Variants in SYNPR observed in about 807,000 individuals in gnomAD.
SYNPR encodes the protein synaptoporin.
SYNPR carries 23 observed loss-of-function variants against 32.9 expected under a neutral mutation model. That is an observed-to-expected ratio of 0.70 (90% CI 0.50 to 0.99). The LOEUF (loss-of-function observed/expected upper bound fraction) is 0.99. Ranked by LOEUF, SYNPR falls within the 50% of genes least tolerant of loss-of-function variation. The pLI is 0.00. For missense variants in SYNPR, 318 were observed against 349.3 expected (o/e 0.91, Z 0.71); for synonymous variants, 146 against 135.9 (o/e 1.07, Z -0.52).
chr3:63,312,868 C>T (rs1230971499), intron 2 of SYNPR, among the ~76,000 whole-genome samples: 2 of 152,022 alleles, frequency 1.3e-5, no homozygotes, highest in Non-Finnish European at 2.9e-5. Context: ...ATTCTTTCCT[C>T]CACTCTCCCC....
At chr3:63,471,818 G>A (rs1367048057) in intron 2 of SYNPR, among the ~76,000 whole-genome samples, 2 of 152,188 alleles carry the variant, frequency 1.3e-5, no homozygotes, top group East Asian at 3.9e-4. Context: ...CAGGGAGGAG[G>A]GGGAGGCTCT....
intron 2 of SYNPR, among the ~76,000 whole-genome samples, chr3:63,320,772 G>A (rs903226771): frequency 5.9e-5 from 9 of 152,064 alleles, no homozygotes; most frequent in South Asian, 4.1e-4. Flanking sequence ...TCATGGAAAC[G>A]GCACCACTTT....
In SYNPR at chr3:63,484,940, GGAA is replaced by G. The variant is rs375940882; in HGVS notation, c.209+3989_209+3991del. Among the ~76,000 whole-genome samples, 525 of 152,170 alleles carry G rather than the reference GGAA, an allele frequency of 3.5e-3. 3 individuals carry two copies. Among genetic ancestry groups the G allele is most frequent in the African/African-American group, 0.012 (485 of 41,516 alleles). ...CCTTGAATTCCTTATAAGTTGAATAGGAAGAAGGAGTTAAAGATGACAAAAGGA... is the reference window on the plus strand; with the variant it reads ...CCTTGAATTCCTTATAAGTTGAATAGGAAGGAGTTAAAGATGACAAAAGGA... On this transcript the variant is annotated intron_variant, in intron 3 of 5. Coordinates refer to ENST00000478300, the MANE Select transcript of SYNPR (RefSeq NM_001130003.2).
In SYNPR at chr3:63,280,463, T is replaced by C. The variant is rs140207454; in HGVS notation, c.84+1721T>C. On this transcript the variant is annotated intron_variant, in intron 2 of 5. Transcript: ENST00000478300. ...AACTCAAAAGCCCCTTTTACCTCAG[T>C]GCCCTTGCTATTTCTATTCACACTG... Among the ~76,000 whole-genome samples, 5 of 152,086 alleles carry C rather than the reference T, an allele frequency of 3.3e-5. No individual in the cohort carries two copies. The East Asian group carries it at 9.7e-4, about 30-fold the overall frequency.
At chr3:63,282,808 AT>A (rs1417481373) in intron 2 of SYNPR, among the ~76,000 whole-genome samples, 2 of 152,204 alleles carry the variant, frequency 1.3e-5, no homozygotes, top group Non-Finnish European at 2.9e-5. Context: ...ATTTGATAAA[AT>A]TGCTAAATGG....
intron 2 of SYNPR, among the ~76,000 whole-genome samples, chr3:63,393,491 CT>C (rs1482584312): frequency 2.6e-5 from 3 of 116,624 alleles, no homozygotes; most frequent in African/African-American, 1.1e-4. Flanking sequence ...TTCTTTCTTT[CT>C]TCTCTTTTTT....
At chr3:63,258,236 A>G (rs1560170808) in intron 2 of SYNPR, among the ~76,000 whole-genome samples, 1 of 152,256 alleles carries the variant, frequency 6.6e-6, no homozygotes, top group Admixed American at 6.5e-5. Context: ...AGACATCTAC[A>G]GAACTCTCCA....
chr3:63,393,648 C>T (rs905294164), intron 2 of SYNPR, among the ~76,000 whole-genome samples: 8 of 152,020 alleles, frequency 5.3e-5, no homozygotes, highest in Middle Eastern at 3.4e-3. Context: ...CAGGTGTGCT[C>T]CACCACACTT....
chr3:63,596,827 T>A (rs1252537810), intron 4 of SYNPR, among the ~76,000 whole-genome samples: 1 of 152,186 alleles, frequency 6.6e-6, no homozygotes, highest in African/African-American at 2.4e-5. Flanking sequence ...ACCATGGATA[T>A]AAATGTGCTT....
chr3:63,550,163 C>T (rs931633989), intron 3 of SYNPR: 1 of 151,664 alleles, frequency 6.6e-6, no homozygotes, highest in Non-Finnish European at 1.5e-5. Flanking sequence ...ATACACTTTC[C>T]CCCCAAAATA....
At chr3:63,368,632 A>C (rs941746320) in intron 2 of SYNPR, among the ~76,000 whole-genome samples, 2 of 152,090 alleles carry the variant, frequency 1.3e-5, no homozygotes, top group African/African-American at 4.8e-5. Context: ...AATAACAAAG[A>C]GTTCTGTGGA....
chr3:63,402,688 G>A (rs1316753775), intron 2 of SYNPR, among the ~76,000 whole-genome samples: 2 of 152,306 alleles, frequency 1.3e-5, no homozygotes, highest in African/African-American at 2.4e-5. Flanking sequence ...GCCTAATCCA[G>A]GCCCATCTTG....
At chr3:63,362,744 C>G (rs76575299) in intron 2 of SYNPR, among the ~76,000 whole-genome samples, 1,985 of 152,248 alleles carry the variant, frequency 0.013, 62 homozygotes, top group African/African-American at 0.045. Context: ...TGAGAAGAGG[C>G]CTTTCATGCT....
At chr3:63,492,900 T>C (rs1426507095) in intron 3 of SYNPR, among the ~76,000 whole-genome samples, 1 of 152,116 alleles carries the variant, frequency 6.6e-6, no homozygotes, top group East Asian at 1.9e-4. Flanking sequence ...GACTTTGAGT[T>C]GCCTAGAAAA....
chr3:63,383,683 A>T (rs566514484), intron 2 of SYNPR, among the ~76,000 whole-genome samples: 1 of 152,202 alleles, frequency 6.6e-6, no homozygotes, highest in Non-Finnish European at 1.5e-5. Context: ...CAGGAGCTAC[A>T]CTAATGGAAC....
chr3:63,260,781 G>T (rs1385591434), intron 2 of SYNPR, among the ~76,000 whole-genome samples: 3 of 150,830 alleles, frequency 2.0e-5, no homozygotes, highest in Non-Finnish European at 4.4e-5. Context: ...AGAGTGAACA[G>T]GCAACCTACA....
chr3:63,413,005 A>G (rs924325119), intron 2 of SYNPR, among the ~76,000 whole-genome samples: 1 of 152,178 alleles, frequency 6.6e-6, no homozygotes, highest in African/African-American at 2.4e-5. Flanking sequence ...TGGTGCCTTC[A>G]GGGTTCCAAG....
At chr3:63,382,273 A>G (rs2087980005) in intron 2 of SYNPR, among the ~76,000 whole-genome samples, 1 of 152,198 alleles carries the variant, frequency 6.6e-6, no homozygotes, top group Non-Finnish European at 1.5e-5. Context: ...GTTACTGCCC[A>G]AAGGCATGAA....
chr3:63,455,051 T>C (rs1350139685), intron 2 of SYNPR, among the ~76,000 whole-genome samples: 1 of 152,062 alleles, frequency 6.6e-6, no homozygotes, highest in Non-Finnish European at 1.5e-5. Context: ...TTTTAATACT[T>C]TCTGATTTTA....
Sources: allele counts gnomAD v4.1 joint callset (sites outside exome capture counted in the v4.1 genomes callset), GRCh38; gene constraint gnomAD v4.1.1; transcripts MANE v1.5; gene names NCBI Gene and HGNC (gene_info 2026-07-23, HGNC 2026-07-21).